Variants in DPF3 observed in about 807,000 individuals in gnomAD.
DPF3 encodes the protein zinc finger protein DPF3.
Under a neutral mutation model 56.8 loss-of-function variants are expected in DPF3, and 18 were observed. The ratio of observed to expected loss-of-function variants is 0.32; its 90% CI spans 0.22 to 0.47. DPF3 has a LOEUF of 0.47. Ranked by LOEUF, DPF3 falls within the 20% of genes least tolerant of loss-of-function variation. DPF3 has a pLI of 1.00. For missense variants in DPF3, 403 were observed against 488.8 expected (o/e 0.82, Z 1.65); for synonymous variants, 188 against 180.2 (o/e 1.04, Z -0.35).
intron 3 of DPF3, among the ~76,000 whole-genome samples, chr14:72,748,438 AAC>A (rs142479854): frequency 0.047 from 7,204 of 152,270 alleles, 531 homozygotes; most frequent in African/African-American, 0.16. Flanking sequence ...AGCAGAGCAT[AAC>A]AGTTTGGAAA....
chr14:72,760,473 C>T (rs1317161995), intron 2 of DPF3, among the ~76,000 whole-genome samples: 1 of 152,174 alleles, frequency 6.6e-6, no homozygotes, highest in Non-Finnish European at 1.5e-5. Context: ...AATCCTTAAT[C>T]CTGTCTTCGA....
chr14:72,889,664 T>G (rs940296535), intron 1 of DPF3, among the ~76,000 whole-genome samples: 6 of 152,180 alleles, frequency 3.9e-5, no homozygotes, highest in African/African-American at 1.2e-4. Flanking sequence ...AACTTTCACA[T>G]GCACAAAACC....
At chr14:72,824,235 GA>G (rs1883684507) in intron 1 of DPF3, among the ~76,000 whole-genome samples, 1 of 152,126 alleles carries the variant, frequency 6.6e-6, no homozygotes, top group Admixed American at 6.5e-5. Flanking sequence ...CAGATGCCGG[GA>G]AAAATTCCTG....
At chr14:72,790,523 C>T (rs1355790487) in intron 1 of DPF3, among the ~76,000 whole-genome samples, 1 of 152,138 alleles carries the variant, frequency 6.6e-6, no homozygotes, top group African/African-American at 2.4e-5. Flanking sequence ...TTACAGTGTA[C>T]CAGGCACCTT....
chr14:72,763,756 C>G (rs887143370), intron 2 of DPF3, among the ~76,000 whole-genome samples: 1 of 152,060 alleles, frequency 6.6e-6, no homozygotes, highest in Admixed American at 6.6e-5. Context: ...AAATTGAAAA[C>G]TTCTGCTCTT....
chr14:72,673,319 T>A (rs1886771939), intron 8 of DPF3, among the ~76,000 whole-genome samples: 1 of 152,168 alleles, frequency 6.6e-6, no homozygotes, highest in Non-Finnish European at 1.5e-5. Flanking sequence ...TGACTCCTCA[T>A]TGCTGGAACA....
At chr14:72,872,255 G>T (rs1392647404) in intron 1 of DPF3, among the ~76,000 whole-genome samples, 1 of 152,078 alleles carries the variant, frequency 6.6e-6, no homozygotes, top group Non-Finnish European at 1.5e-5. Context: ...GGGCCTCCAG[G>T]CCTGTGATGG....
chr14:72,859,469 T>TCCCC (rs112629015), intron 1 of DPF3, among the ~76,000 whole-genome samples: 4 of 60,616 alleles, frequency 6.6e-5, no homozygotes, highest in Admixed American at 1.8e-4. Context: ...TGCAGCTTCC[T>TCCCC]CCCCCCCCCC....
chr14:72,731,799 G>C lies in DPF3; in HGVS notation c.429+8C>G. ...ACTCTGTGGGGTCCCCAGCAGGTGT[G>C]GGAATACCTGTATTTCCTGGATGCT... On this transcript the variant is annotated splice_region_variant and intron_variant, in intron 4 of 10. Coordinates refer to ENST00000556509, the MANE Select transcript of DPF3 (RefSeq NM_001280542.3). 1 of 1,613,252 alleles carries C rather than the reference G, an allele frequency of 6.2e-7. No individual in the cohort carries two copies. Among genetic ancestry groups the C allele is most frequent in the Middle Eastern group, 1.6e-4 (1 of 6,062 alleles).
At chr14:72,619,855 A>T in intron 10 of DPF3, 48 bp downstream of exon 10, 1 of 1,474,280 alleles carries the variant, frequency 6.8e-7, no homozygotes, top group Non-Finnish European at 9.1e-7. Flanking sequence ...AAGTGCTAGT[A>T]GTAGTAGTAT....
intron 8 of DPF3, among the ~76,000 whole-genome samples, chr14:72,672,056 C>CGG (rs1886705892): frequency 2.9e-5 from 4 of 138,636 alleles, no homozygotes; most frequent in Non-Finnish European, 6.1e-5. Flanking sequence ...CACACACACA[C>CGG]ACAGACACAC....
intron 1 of DPF3, among the ~76,000 whole-genome samples, chr14:72,802,103 A>G (rs1235262608): frequency 6.6e-6 from 1 of 152,012 alleles, no homozygotes; most frequent in Non-Finnish European, 1.5e-5. Context: ...GAGTGACAAG[A>G]GCAAGCAAAT....
At chr14:72,838,254 G>T (rs143531231) in intron 1 of DPF3, among the ~76,000 whole-genome samples, 1 of 152,346 alleles carries the variant, frequency 6.6e-6, no homozygotes, top group African/African-American at 2.4e-5. Context: ...AGCACTCTGG[G>T]AGGCCGAGAC....
At chr14:72,680,359 T>C (rs1599351829) in intron 7 of DPF3, among the ~76,000 whole-genome samples, 1 of 152,312 alleles carries the variant, frequency 6.6e-6, no homozygotes, top group Non-Finnish European at 1.5e-5. Context: ...TAATAGCAAC[T>C]CAGGTCCCGC....
chr14:72,638,742 C>T (rs1885457400), intron 8 of DPF3, among the ~76,000 whole-genome samples: 1 of 152,016 alleles, frequency 6.6e-6, no homozygotes, highest in Non-Finnish European at 1.5e-5. Context: ...TCTACGTGAG[C>T]CTGGGAAGCA....
rs192084290 is a variant in DPF3, at chr14:72,733,888, G to A, written c.302-1954C>T. On this transcript the variant is annotated intron_variant, in intron 3 of 10. Coordinates refer to ENST00000556509, the MANE Select transcript of DPF3 (RefSeq NM_001280542.3). ...AAACTGAACAAATGCACACCTGTGG[G>A]TGACCGGCCCCCAGAAAAAGAAGGT... 2.4e-3 allele frequency among the ~76,000 whole-genome samples: 370 copies of A among 152,324 alleles called. 3 individuals are homozygous for A. The Middle Eastern group carries it at 0.027, about 11-fold the overall frequency.
chr14:72,666,191 C>T (rs1416465446), intron 8 of DPF3, among the ~76,000 whole-genome samples: 1 of 152,148 alleles, frequency 6.6e-6, no homozygotes, highest in Non-Finnish European at 1.5e-5. Flanking sequence ...TCACTCCCTG[C>T]CACCATTACT....
At chr14:72,697,104 G>A (rs1196106709) in intron 6 of DPF3, among the ~76,000 whole-genome samples, 1 of 152,178 alleles carries the variant, frequency 6.6e-6, no homozygotes, top group Non-Finnish European at 1.5e-5. Context: ...ATACATGGAG[G>A]TCCCAGAAGC....
At chr14:72,716,045 C>T (rs943869821) in intron 5 of DPF3, among the ~76,000 whole-genome samples, 19 of 151,780 alleles carry the variant, frequency 1.3e-4, no homozygotes, top group African/African-American at 4.1e-4. Flanking sequence ...GACAGCTTGA[C>T]ATGTAGCCTG....
Sources: allele counts gnomAD v4.1 joint callset (sites outside exome capture counted in the v4.1 genomes callset), GRCh38; gene constraint gnomAD v4.1.1; transcripts MANE v1.5; gene names NCBI Gene and HGNC (gene_info 2026-07-23, HGNC 2026-07-21).